Variants in MPZL1 observed in about 807,000 individuals in gnomAD.
The protein encoded by MPZL1 is myelin protein zero-like protein 1.
MPZL1 carries 16 observed loss-of-function variants against 29.3 expected under a neutral mutation model. The ratio of observed to expected loss-of-function variants is 0.55; its 90% confidence interval spans 0.37 to 0.83. The LOEUF is 0.83. Ranked by LOEUF, MPZL1 falls within the 40% of genes least tolerant of loss-of-function variation. MPZL1 has a pLI of 0.00. For missense variants in MPZL1, 279 were observed against 332.9 expected, an observed-to-expected ratio of 0.84 and a Z score of 1.26; for synonymous variants, 143 against 132.0, an observed-to-expected ratio of 1.08 and a Z score of -0.57.
rs3767446 is a variant in MPZL1, at chr1:167,746,504, G to T, written c.92-19079G>T. 4.6e-5 allele frequency among the ~76,000 whole-genome samples: 7 copies of T among 151,934 alleles called. No individual in the cohort carries two copies. The South Asian group carries it at 1.0e-3, about 23-fold the overall frequency. Reference sequence around the variant, plus strand: ...GAAGAGTGAAGACAATACATATGTCGAATAAGATCTCTAGCACAGAGTTCT... The same window carrying T: ...GAAGAGTGAAGACAATACATATGTCTAATAAGATCTCTAGCACAGAGTTCT... On this transcript the variant is annotated intron_variant, in intron 1 of 5. Coordinates refer to ENST00000359523, the MANE Select transcript of MPZL1 (RefSeq NM_003953.6).
At position 167,768,844 on chromosome 1, in the gene MPZL1, G is replaced by A. The variant is rs531099496; in HGVS notation, c.258+3095G>A. 3.3e-5 allele frequency among the ~76,000 whole-genome samples: 5 copies of A among 152,356 alleles called. No individual in the cohort carries two copies. The South Asian group carries it at 1.0e-3, about 32-fold the overall frequency. Reference sequence around the variant, plus strand: ...CATGTAGCTCATCCCCGCTGGTTCAGAAATGCAAGGCAGGGAATATGTGGA... The same window carrying A: ...CATGTAGCTCATCCCCGCTGGTTCAAAAATGCAAGGCAGGGAATATGTGGA... On this transcript the variant is annotated intron_variant, in intron 2 of 5. Coordinates refer to ENST00000359523, the MANE Select transcript of MPZL1 (RefSeq NM_003953.6).
At chr1:167,760,225 C>CAG (rs767787831) in intron 1 of MPZL1, among the ~76,000 whole-genome samples, 5 of 152,088 alleles carry the variant, frequency 3.3e-5, no homozygotes, top group Non-Finnish European at 1.5e-5. Flanking sequence ...TTTTTTGAGA[C>CAG]AGAGTCTCGC....
intron 1 of MPZL1, among the ~76,000 whole-genome samples, chr1:167,743,452 C>T (rs1214107196): frequency 1.3e-5 from 2 of 151,950 alleles, no homozygotes; most frequent in Non-Finnish European, 2.9e-5. Flanking sequence ...GTGACCCTCC[C>T]GCCTCGGCCT....
chr1:167,778,939 G>A (rs761134694), intron 5 of MPZL1, among the ~76,000 whole-genome samples: 92 of 152,018 alleles, frequency 6.1e-4, no homozygotes, highest in Admixed American at 5.9e-4. Flanking sequence ...AGCCTAACAC[G>A]GTGAAAACCC....
At chr1:167,750,528 T>C (rs56309847) in intron 1 of MPZL1, among the ~76,000 whole-genome samples, 208 of 152,204 alleles carry the variant, frequency 1.4e-3, no homozygotes, top group African/African-American at 4.4e-3. Flanking sequence ...ATGTTAACAT[T>C]TTATTACATT....
intron 2 of MPZL1, among the ~76,000 whole-genome samples, chr1:167,768,234 A>G (rs557515262): frequency 6.6e-6 from 1 of 152,108 alleles, no homozygotes; most frequent in Non-Finnish European, 1.5e-5. Flanking sequence ...GCTCATTACA[A>G]TTTGGCCCAG....
At chr1:167,760,501 C>T (rs1215024736) in intron 1 of MPZL1, among the ~76,000 whole-genome samples, 1 of 152,092 alleles carries the variant, frequency 6.6e-6, no homozygotes, top group East Asian at 1.9e-4. Context: ...CCGCACCCGG[C>T]CCCTCTAGAT....
At chr1:167,773,723 T>G (rs1347179720) in intron 4 of MPZL1, 1 of 159,736 alleles carries the variant, frequency 6.3e-6, no homozygotes, top group East Asian at 1.8e-4. Flanking sequence ...GCTAATAAAC[T>G]CACAAGGTGG....
At chr1:167,737,443 G>A (rs1228987483) in intron 1 of MPZL1, among the ~76,000 whole-genome samples, 1 of 152,202 alleles carries the variant, frequency 6.6e-6, no homozygotes, top group African/African-American at 2.4e-5. Flanking sequence ...ATCAGGAAGG[G>A]GTTGAGGGGT....
At chr1:167,785,726 G>A (rs942768846) in intron 5 of MPZL1, among the ~76,000 whole-genome samples, 11 of 152,304 alleles carry the variant, frequency 7.2e-5, no homozygotes, top group South Asian at 4.1e-4. Flanking sequence ...TGGGAGTTCC[G>A]TCCTATTCTT....
At chr1:167,776,350 T>C (rs781480056) in intron 5 of MPZL1, among the ~76,000 whole-genome samples, 184 bp downstream of exon 5, 1 of 152,130 alleles carries the variant, frequency 6.6e-6, no homozygotes, top group Non-Finnish European at 1.5e-5. Flanking sequence ...CAGGAAAATA[T>C]GTGGTGAAGA....
At chr1:167,771,599 A>G (rs1210137236) in intron 2 of MPZL1, among the ~76,000 whole-genome samples, 4 of 152,086 alleles carry the variant, frequency 2.6e-5, no homozygotes, top group Non-Finnish European at 5.9e-5. Context: ...CTCACTTCCC[A>G]GACGGGGTGG....
At chr1:167,726,040 A>T (rs771123800) in intron 1 of MPZL1, among the ~76,000 whole-genome samples, 48 of 152,214 alleles carry the variant, frequency 3.2e-4, no homozygotes, top group Non-Finnish European at 6.5e-4. Context: ...ACTTGGAATG[A>T]AATCTAAACT....
chr1:167,743,525 C>T (rs1242389415), intron 1 of MPZL1, among the ~76,000 whole-genome samples: 1 of 150,890 alleles, frequency 6.6e-6, no homozygotes, highest in Non-Finnish European at 1.5e-5. Context: ...TTAATTCTTC[C>T]TATCCGTGAG....
intron 1 of MPZL1, among the ~76,000 whole-genome samples, chr1:167,728,983 C>T (rs907677011): frequency 2.6e-5 from 4 of 151,804 alleles, no homozygotes; most frequent in African/African-American, 9.7e-5. Flanking sequence ...ATGCTGTTAT[C>T]GGCCGGGCAT....
chr1:167,736,942 A>G (rs183501499), intron 1 of MPZL1, among the ~76,000 whole-genome samples: 1 of 152,096 alleles, frequency 6.6e-6, no homozygotes, highest in East Asian at 1.9e-4. Flanking sequence ...ATTTTTTGCA[A>G]CATTTCTGCA....
intron 5 of MPZL1, among the ~76,000 whole-genome samples, chr1:167,777,224 T>C (rs1661388506): frequency 6.6e-6 from 1 of 152,222 alleles, no homozygotes. Context: ...TACATACACA[T>C]AGGCATAGCA....
chr1:167,761,006 A>T (rs1660975951), intron 1 of MPZL1, among the ~76,000 whole-genome samples: 1 of 152,198 alleles, frequency 6.6e-6, no homozygotes, highest in Non-Finnish European at 1.5e-5. Flanking sequence ...AGCAGGGAGT[A>T]ACTTTCAAAG....
intron 2 of MPZL1, 133 bp from the exon 3 acceptor site, chr1:167,772,136 GGGGAGA>G (rs199674966): frequency 8.4e-6 from 6 of 710,310 alleles, no homozygotes; most frequent in Non-Finnish European, 1.2e-5. Flanking sequence ...GGAGAGAGAG[GGGGAGA>G]GGGAGAGGGA....
Sources: gnomAD v4.1 joint callset for allele counts (sites outside exome capture counted in the v4.1 genomes callset) on GRCh38, gnomAD v4.1.1 for gene constraint, MANE v1.5 for transcripts, NCBI Gene and HGNC (gene_info 2026-07-23, HGNC 2026-07-21) for gene names.